Variants in C12orf42 observed in about 807,000 individuals in gnomAD.
The protein encoded by C12orf42 is uncharacterized protein C12orf42.
Under a neutral mutation model 21.6 loss-of-function variants are expected in C12orf42, and 25 were observed. The ratio of observed to expected loss-of-function variants is 1.16; its 90% CI spans 0.84 to 1.62. The LOEUF (loss-of-function observed/expected upper bound fraction) is 1.62, where lower values mean the gene tolerates loss of function less well. C12orf42 is among the 40% of genes most tolerant of loss of function. The probability of loss-of-function intolerance (pLI) is 0.00; values close to 1 mark genes in which losing one functional copy is unlikely to be tolerated. For missense variants in C12orf42, 483 were observed against 459.3 expected, an observed-to-expected ratio of 1.05 and a Z score of -0.47; for synonymous variants, 174 against 175.0, an observed-to-expected ratio of 0.99 and a Z score of 0.05.
the C12orf42 span, among the ~76,000 whole-genome samples, chr12:103,053,601 G>T: frequency 6.6e-6 from 1 of 151,820 alleles, no homozygotes; most frequent in South Asian, 2.1e-4. Context: ...TTTTAGCTTT[G>T]ATGTGGTCTG....
chr12:103,094,126 C>G, the C12orf42 span, among the ~76,000 whole-genome samples: 1 of 152,144 alleles, frequency 6.6e-6, no homozygotes, highest in Admixed American at 6.5e-5. Flanking sequence ...TTCTACTTTC[C>G]CTGCCACTAG....
chr12:103,281,933 A>AAG (rs1356109182), intron 4 of C12orf42, among the ~76,000 whole-genome samples: 1 of 151,498 alleles, frequency 6.6e-6, no homozygotes, highest in Admixed American at 6.6e-5. Context: ...GAAAGAAAGA[A>AAG]AGAAAGAAAG....
the C12orf42 span, among the ~76,000 whole-genome samples, chr12:103,139,272 ATT>A: frequency 1.6e-4 from 25 of 152,276 alleles, no homozygotes; most frequent in East Asian, 4.6e-3. Context: ...ATTGGATACT[ATT>A]TTCCAGACAT....
rs190788432 is a variant in C12orf42 at position 103,474,872 on chromosome 12, C to T, written c.78+3477G>A. On this transcript the variant is annotated intron_variant, in intron 2 of 5. Coordinates refer to ENST00000548883, the MANE Select transcript of C12orf42 (RefSeq NM_198521.5). ...AAGGTAGCTGGATTTTGAAACTTCA[C>T]AAAATTCTAAACATCAAATATTGGG... is the stretch of plus-strand genomic sequence containing the variant. 4.5e-3 allele frequency among the ~76,000 whole-genome samples: 679 copies of T among 152,222 alleles called. 2 individuals are homozygous for T. Among genetic ancestry groups the T allele is most frequent in the Middle Eastern group, 0.024 (7 of 294 alleles).
At chr12:103,368,089 C>T (rs1189094723) in intron 4 of C12orf42, 15 of 1,282,868 alleles carry the variant, frequency 1.2e-5, no homozygotes, top group Non-Finnish European at 1.5e-5. Context: ...TATATCCTTT[C>T]AGGTCAGTGA....
chr12:103,505,084 T>C, the C12orf42 span: 2 of 365,170 alleles, frequency 5.5e-6, no homozygotes, highest in South Asian at 2.7e-5. Context: ...TATCAGAATT[T>C]CCCTTCTGAA....
intron 2 of C12orf42, among the ~76,000 whole-genome samples, chr12:103,421,588 TAA>T (rs367582415): frequency 4.1e-5 from 1 of 24,670 alleles, no homozygotes; most frequent in Non-Finnish European, 1.5e-4. Flanking sequence ...TATAAATAAA[TAA>T]ATAAATAAAT....
At chr12:103,356,483 A>G (rs1001422280) in intron 4 of C12orf42, among the ~76,000 whole-genome samples, 1 of 152,058 alleles carries the variant, frequency 6.6e-6, no homozygotes, top group African/African-American at 2.4e-5. Flanking sequence ...CGCAATAAAC[A>G]TACGTGTCCA....
intron 3 of C12orf42, among the ~76,000 whole-genome samples, chr12:103,390,603 G>A (rs546500251): frequency 4.3e-4 from 65 of 152,280 alleles, no homozygotes; most frequent in Middle Eastern, 6.8e-3. Flanking sequence ...AACAGATTTA[G>A]TATAAGAAGT....
the C12orf42 span, among the ~76,000 whole-genome samples, chr12:103,152,303 T>C: frequency 6.6e-6 from 1 of 152,154 alleles, no homozygotes; most frequent in African/African-American, 2.4e-5. Context: ...CTTTGTATTG[T>C]TTTGAGTTGC....
chr12:103,254,052 A>G (rs959656120), intron 10 of C12orf42, among the ~76,000 whole-genome samples: 3 of 152,124 alleles, frequency 2.0e-5, no homozygotes, highest in African/African-American at 7.2e-5. Flanking sequence ...TTATTTGCCC[A>G]TGCGTATGTC....
intron 5 of C12orf42, among the ~76,000 whole-genome samples, chr12:103,272,009 A>C (rs1022128114): frequency 1.3e-5 from 2 of 152,164 alleles, no homozygotes; most frequent in African/African-American, 2.4e-5. Context: ...TTCCTCATCT[A>C]TGAAATGAAA....
At chr12:103,340,861 C>G (rs1451464510) in intron 4 of C12orf42, among the ~76,000 whole-genome samples, 1 of 152,144 alleles carries the variant, frequency 6.6e-6, no homozygotes, top group Non-Finnish European at 1.5e-5. Context: ...CGCCTGTAAT[C>G]CCAGCACTTT....
chr12:103,236,219 C>A (rs1256062217), downstream of C12orf42, among the ~76,000 whole-genome samples: 2 of 152,110 alleles, frequency 1.3e-5, no homozygotes, highest in African/African-American at 4.8e-5. Context: ...TTTGATCTTA[C>A]ATGTCAGAAT....
At chr12:103,468,817 C>T (rs1196465625) in intron 2 of C12orf42, among the ~76,000 whole-genome samples, 1 of 152,080 alleles carries the variant, frequency 6.6e-6, no homozygotes, top group Non-Finnish European at 1.5e-5. Context: ...GTGAATCTTA[C>T]TGAGTTGGGA....
At chr12:103,157,544 A>ATGCCTATG in the C12orf42 span, among the ~76,000 whole-genome samples, 1 of 152,212 alleles carries the variant, frequency 6.6e-6, no homozygotes, top group South Asian at 2.1e-4. Context: ...GTCTTTGCCC[A>ATGCCTATG]TGCCTATGTC....
At chr12:103,246,238 A>C (rs1419016069) in intron 10 of C12orf42, among the ~76,000 whole-genome samples, 1 of 152,064 alleles carries the variant, frequency 6.6e-6, no homozygotes, top group Non-Finnish European at 1.5e-5. Context: ...TGTTCTCTTT[A>C]AATAGTTGAA....
Position 103,381,638 on chromosome 12 carries a change from G to A in C12orf42, c.148-12640C>T, listed in dbSNP as rs533229875. 6.6e-5 allele frequency among the ~76,000 whole-genome samples: 10 copies of A among 152,302 alleles called. No homozygotes were observed. The South Asian group carries it at 2.1e-3, about 32-fold the overall frequency. Reference sequence around the variant, plus strand: ...ACTTGGGCAAATTGCTTTATCTTGGGCCGGGTTGGTGGCTCACGCCTGTAA... The same window carrying A: ...ACTTGGGCAAATTGCTTTATCTTGGACCGGGTTGGTGGCTCACGCCTGTAA... On this transcript the variant is annotated intron_variant, in intron 3 of 5. Coordinates refer to ENST00000548883, the MANE Select transcript of C12orf42 (RefSeq NM_198521.5).
At chr12:103,172,041 A>G in the C12orf42 span, among the ~76,000 whole-genome samples, 1 of 152,150 alleles carries the variant, frequency 6.6e-6, no homozygotes, top group East Asian at 1.9e-4. Flanking sequence ...GATAGGGCAG[A>G]ATGGTGAGTC....
Sources: allele counts gnomAD v4.1 joint callset (sites outside exome capture counted in the v4.1 genomes callset), GRCh38; gene constraint gnomAD v4.1.1; transcripts MANE v1.5; gene names NCBI Gene and HGNC (gene_info 2026-07-23, HGNC 2026-07-21).